Variants in KAT2B observed in about 807,000 individuals in gnomAD.
KAT2B encodes histone acetyltransferase KAT2B.
Under a neutral mutation model 105.9 loss-of-function variants are expected in KAT2B, and 36 were observed. That is an observed-to-expected ratio of 0.34 (90% CI 0.26 to 0.45). The LOEUF (loss-of-function observed/expected upper bound fraction) is 0.45, where lower values mean the gene tolerates loss of function less well. Among genes scored for constraint, KAT2B ranks in the 20% least tolerant of loss-of-function variants. KAT2B has a pLI of 1.00. For synonymous variants in KAT2B, 397 were observed against 377.9 expected, an observed-to-expected ratio of 1.05 and a Z score of -0.59; for missense variants, 820 against 1,021.6, an observed-to-expected ratio of 0.80 and a Z score of 2.69.
intron 1 of KAT2B, among the ~76,000 whole-genome samples, chr3:20,045,326 T>C (rs1289419323): frequency 1.0e-4 from 1 of 9,744 alleles, no homozygotes; most frequent in Middle Eastern, 0.062. Context: ...CCTATTTATT[T>C]ATTTATTTAT....
Position 20,122,657 on chromosome 3 carries a change from G to T in KAT2B, c.1277-11G>T. 6.2e-7 allele frequency: 1 copy of T among 1,608,656 alleles called. No homozygotes were observed. The highest frequency in any genetic ancestry group is 1.1e-5 in the South Asian group (1 of 90,648). On this transcript the variant is annotated splice_polypyrimidine_tract_variant and intron_variant, in intron 8 of 17. Transcript: ENST00000263754. ...CCACCCATTGTTTGCCTTTTATTTT[G>T]ATCATCATAGGAGAAAAGAGGAAAA...
intron 2 of KAT2B, among the ~76,000 whole-genome samples, chr3:20,078,700 T>C (rs935635059): frequency 4.7e-5 from 7 of 148,522 alleles, no homozygotes; most frequent in Non-Finnish European, 8.8e-5. Flanking sequence ...TGTGTATATA[T>C]ATGTATATAT....
At chr3:20,066,755 A>G (rs933878057) in intron 1 of KAT2B, among the ~76,000 whole-genome samples, 3 of 152,086 alleles carry the variant, frequency 2.0e-5, no homozygotes, top group African/African-American at 4.8e-5. Context: ...CATTAAAAAA[A>G]AAAAATCAGA....
rs749288753 is a variant in KAT2B at position 20,148,459 on chromosome 3, A to G, written c.2277A>G (p.Gly759=). The G allele has an allele frequency of 1.2e-6, 2 of 1,608,232 alleles. No homozygotes were observed. The highest frequency in any genetic ancestry group is 1.1e-5 in the South Asian group (1 of 90,198). Residue 759 remains glycine, a synonymous_variant, in exon 17 of 18, where the codon GGA becomes GGG. Transcript: ENST00000263754. ...MEPVKRTEAP[G]YYEVIRFPMD... ...CTGTGAAGAGAACAGAAGCTCCAGG[A>G]TATTATGAAGTTATAAGGTTCCCCA... is the stretch of plus-strand genomic sequence containing the variant.
intron 1 of KAT2B, among the ~76,000 whole-genome samples, chr3:20,068,971 C>T (rs1416761164): frequency 6.6e-6 from 1 of 152,068 alleles, no homozygotes; most frequent in Non-Finnish European, 1.5e-5. Context: ...GAGGTTGGCC[C>T]ACAATAAGGG....
intron 2 of KAT2B, among the ~76,000 whole-genome samples, chr3:20,076,130 A>G (rs1332345579): frequency 6.6e-6 from 1 of 152,116 alleles, no homozygotes; most frequent in Non-Finnish European, 1.5e-5. Context: ...ATGATGAACA[A>G]TAAAAGATAC....
At chr3:20,150,601 A>C (rs544782242) in intron 17 of KAT2B, among the ~76,000 whole-genome samples, 21 of 152,342 alleles carry the variant, frequency 1.4e-4, no homozygotes, top group African/African-American at 5.0e-4. Context: ...GGTACCACCA[A>C]TATTTAGTCA....
intron 1 of KAT2B, among the ~76,000 whole-genome samples, chr3:20,071,110 A>C (rs1698314382): frequency 6.6e-6 from 1 of 152,212 alleles, no homozygotes; most frequent in Admixed American, 6.5e-5. Context: ...CCAAAATAAT[A>C]CATTTAAACA....
intron 5 of KAT2B, 119 bp downstream of exon 5, chr3:20,101,587 G>C: frequency 1.4e-6 from 1 of 732,730 alleles, no homozygotes; most frequent in Non-Finnish European, 2.3e-6. Flanking sequence ...TCAATTCAGA[G>C]ATAATGTCTT....
chr3:20,102,134 G>A (rs1436439971), intron 5 of KAT2B, among the ~76,000 whole-genome samples: 3 of 151,982 alleles, frequency 2.0e-5, no homozygotes, highest in Non-Finnish European at 4.4e-5. Context: ...TGGCCAATAT[G>A]GTGAAACCCC....
chr3:20,051,893 A>G (rs9822453), intron 1 of KAT2B, among the ~76,000 whole-genome samples: 4,001 of 152,360 alleles, frequency 0.026, 162 homozygotes, highest in African/African-American at 0.09. Context: ...ATGGGGTGTT[A>G]TATCTATTGC....
rs1559514317 is a variant in KAT2B at position 20,062,199 on chromosome 3, ATTTTATAT to A, written c.304-10133_304-10126del. Among the ~76,000 whole-genome samples the A allele has an allele frequency of 2.3e-4, 9 of 39,808 alleles. 1 individual carries two copies. Among genetic ancestry groups the A allele is most frequent in the Non-Finnish European group, 3.8e-4 (8 of 21,248 alleles). 26.1% of individuals were successfully genotyped at this position (39,808 alleles called of 152,430 possible). ...AATATATAATATATAAAATATATAT[ATTTTATAT>A]AAAATATATTATATATAAAAATATA... is the stretch of plus-strand genomic sequence containing the variant. On this transcript the variant is annotated intron_variant, in intron 1 of 17. Coordinates refer to ENST00000263754, the MANE Select transcript of KAT2B (RefSeq NM_003884.5).
At chr3:20,061,958 A>G (rs1389808346) in intron 1 of KAT2B, among the ~76,000 whole-genome samples, 1 of 116,110 alleles carries the variant, frequency 8.6e-6, no homozygotes, top group African/African-American at 3.4e-5. Flanking sequence ...ATTATATATA[A>G]AACATAATAT....
intron 2 of KAT2B, among the ~76,000 whole-genome samples, chr3:20,074,089 A>G (rs886155439): frequency 2.7e-5 from 4 of 148,432 alleles, no homozygotes; most frequent in Non-Finnish European, 5.9e-5. Flanking sequence ...AAGAATGAAG[A>G]ATGAAAAAAA....
intron 1 of KAT2B, among the ~76,000 whole-genome samples, chr3:20,071,638 G>A (rs1046680495): frequency 6.6e-6 from 1 of 152,216 alleles, no homozygotes; most frequent in Non-Finnish European, 1.5e-5. Context: ...CAAACATAGG[G>A]AAGTGTGAAG....
At chr3:20,140,162 A>C in intron 12 of KAT2B, 59 bp from the exon 13 acceptor site, 1 of 1,062,936 alleles carries the variant, frequency 9.4e-7, no homozygotes, top group South Asian at 1.3e-5. Context: ...GAACATAGTT[A>C]GCACTCAGTA....
At chr3:20,068,939 A>C (rs1388455586) in intron 1 of KAT2B, among the ~76,000 whole-genome samples, 1 of 152,168 alleles carries the variant, frequency 6.6e-6, no homozygotes, top group Non-Finnish European at 1.5e-5. Flanking sequence ...AGTTCCTGGA[A>C]GTAGCTATGC....
intron 5 of KAT2B, among the ~76,000 whole-genome samples, chr3:20,110,078 C>T (rs1287355061): frequency 6.6e-6 from 1 of 152,076 alleles, no homozygotes; most frequent in African/African-American, 2.4e-5. Context: ...TATTATTCCT[C>T]TCTTCATTAA....
At position 20,113,201 on chromosome 3, in the gene KAT2B, C is replaced by A. The variant is rs113305197; in HGVS notation, c.1043+1414C>A. On this transcript the variant is annotated intron_variant, in intron 6 of 17. Transcript: ENST00000263754. Reference sequence around the variant, plus strand: ...AGGGCACACTCATGTATTTCAGTGTCTTTTAACTGATGTAAGCTCCTTTCC... The same window carrying A: ...AGGGCACACTCATGTATTTCAGTGTATTTTAACTGATGTAAGCTCCTTTCC... Among the ~76,000 whole-genome samples, 45 of 152,308 alleles carry A rather than the reference C, an allele frequency of 3.0e-4. 1 individual carries two copies. Among genetic ancestry groups the A allele is most frequent in the African/African-American group, 1.0e-3 (42 of 41,574 alleles).
Sources: gnomAD v4.1 joint callset for allele counts (sites outside exome capture counted in the v4.1 genomes callset) on GRCh38, gnomAD v4.1.1 for gene constraint, MANE v1.5 for transcripts, NCBI Gene and HGNC (gene_info 2026-07-23, HGNC 2026-07-21) for gene names.